The following C7 variants were observed in gnomAD, a reference collection of about 807,000 sequenced individuals.
C7 encodes complement component C7.
C7 carries 83 observed loss-of-function variants against 104.8 expected under a neutral mutation model. The observed-to-expected ratio is 0.79, with a 90% CI of 0.66 to 0.95. The LOEUF (loss-of-function observed/expected upper bound fraction) is 0.95. C7 is among the 40% of genes least tolerant of loss of function. The probability of loss-of-function intolerance (pLI) is 0.00; values close to 1 mark genes in which losing one functional copy is unlikely to be tolerated. For synonymous variants in C7, 415 were observed against 360.6 expected, an observed-to-expected ratio of 1.15 and a Z score of -1.71; for missense variants, 1,070 against 1,011.2, an observed-to-expected ratio of 1.06 and a Z score of -0.79.
rs1197423558 is a variant in C7, at chr5:40,928,608, T to A, written c.35T>A (p.Phe12Tyr). ...KVISLFILVG[F>Y]IGEFQSFSSA... ...ATAAGCTTATTCATTTTGGTGGGAT[T>A]TATAGGAGAGTTCCAAAGTTTTTCA... The change falls in exon 2 of 18, where the codon TTT (phenylalanine) becomes TAT (tyrosine). Residue 12 changes from phenylalanine to tyrosine, a missense_variant. Coordinates refer to ENST00000313164, the MANE Select transcript of C7 (RefSeq NM_000587.4). 1.3e-6 allele frequency: 2 copies of A among 1,553,280 alleles called. No individual in the cohort carries two copies.
At chr5:40,926,043 C>A (rs1368690415) in intron 1 of C7, among the ~76,000 whole-genome samples, 1 of 152,106 alleles carries the variant, frequency 6.6e-6, no homozygotes, top group Non-Finnish European at 1.5e-5. Flanking sequence ...ACTGAACAAC[C>A]CATTAAAAGT....
At chr5:40,913,290 A>T (rs1379283298) in intron 1 of C7, among the ~76,000 whole-genome samples, 1 of 152,140 alleles carries the variant, frequency 6.6e-6, no homozygotes, top group Admixed American at 6.6e-5. Context: ...TTCTGATATA[A>T]TGATTTCTTT....
chr5:40,964,845 G>C lies in C7; in HGVS notation c.1854G>C (p.Arg618=), dbSNP rs781184517. The C allele has an allele frequency of 4.3e-6, 7 of 1,613,632 alleles. No individual in the cohort carries two copies. In the South Asian group the frequency reaches 7.7e-5, roughly 18 times the overall value. Residue 618 remains arginine, a synonymous_variant, in exon 14 of 18, where the codon CGG becomes CGC. Coordinates refer to ENST00000313164, the MANE Select transcript of C7 (RefSeq NM_000587.4). ...NPVARCGEDL[R]WLVGEMHCQK... ...TGGCCAGATGTGGAGAAGATTTACG[G>C]TGGCTTGTTGGGGAAATGCATTGTC...
Position 40,981,755 on chromosome 5 carries a change from T to C in C7, c.*182T>C, listed in dbSNP as rs896828193. 15 of 518,720 alleles carry C rather than the reference T, an allele frequency of 2.9e-5. No individual in the cohort carries two copies. The East Asian group carries it at 3.9e-4, about 13-fold the overall frequency. 32.1% of individuals were successfully genotyped at this position (518,720 alleles called of 1,614,324 possible). On this transcript the variant is annotated 3_prime_UTR_variant, in exon 18 of 18. Coordinates refer to ENST00000313164, the MANE Select transcript of C7 (RefSeq NM_000587.4). Reference sequence around the variant, plus strand: ...TTCTCCCAAATCTGAATCGAATTACTCTTTTGCCTCCTTTTTAATGTCAGT... The same window carrying C: ...TTCTCCCAAATCTGAATCGAATTACCCTTTTGCCTCCTTTTTAATGTCAGT...
In C7 at chr5:40,945,266, G is replaced by C; in HGVS notation, c.636G>C (p.Ser212=). 2 of 1,587,660 alleles carry C rather than the reference G, an allele frequency of 1.3e-6. No homozygotes were observed. Among genetic ancestry groups the C allele is most frequent in the Non-Finnish European group, 1.7e-6 (2 of 1,163,440 alleles). ...NSTWSYVKHT[S]TEHTSSSRKR... ...CTTGGTCTTATGTAAAACATACGTC[G>C]ACAGAACACACATCATCTAGTCGGA... Residue 212 remains serine (S), a synonymous_variant, in exon 7 of 18, where the codon TCG becomes TCC. Transcript: ENST00000313164.
chr5:40,921,376 T>C (rs1739434936), intron 1 of C7, among the ~76,000 whole-genome samples: 1 of 151,998 alleles, frequency 6.6e-6, no homozygotes, highest in Admixed American at 6.6e-5. Flanking sequence ...AAAATATCTA[T>C]ACTCCCCAAA....
At chr5:40,957,959 G>A (rs1222416978) in intron 10 of C7, 74 bp from the exon 11 acceptor site, 39 of 980,962 alleles carry the variant, frequency 4.0e-5, no homozygotes, top group South Asian at 4.4e-5. Flanking sequence ...AATGAGAGTC[G>A]TGCCTAAACA....
intron 9 of C7, 91 bp from the exon 10 acceptor site, chr5:40,955,296 A>T: frequency 8.5e-7 from 1 of 1,183,306 alleles, no homozygotes; most frequent in South Asian, 1.4e-5. Flanking sequence ...CTGTTTCCAT[A>T]GTTTGGCTTT....
chr5:40,979,848 T>C lies in C7; in HGVS notation c.2289T>C (p.Cys763=), dbSNP rs1403630118. Residue 763 remains cysteine (C), a synonymous_variant, in exon 17 of 18, where the codon TGT becomes TGC. Transcript: ENST00000313164. ...ACACCCTTACTGGTAGGGACAGCTGTACTCTGCCTGCCTCAGCTGAGAAAG... is the reference window on the plus strand; with the variant it reads ...ACACCCTTACTGGTAGGGACAGCTGCACTCTGCCTGCCTCAGCTGAGAAAG... ...RNYTLTGRDS[C]TLPASAEKAC... 1.2e-6 allele frequency: 2 copies of C among 1,611,468 alleles called. No homozygotes were observed. The highest frequency in any genetic ancestry group is 1.7e-6 in the Non-Finnish European group (2 of 1,178,504).
intron 1 of C7, among the ~76,000 whole-genome samples, chr5:40,924,543 G>GT (rs894501185): frequency 7.9e-5 from 12 of 151,844 alleles, no homozygotes; most frequent in Admixed American, 6.5e-4. Context: ...GGGACTGTGT[G>GT]GGGGGGTTCC....
At chr5:40,956,418 A>AGT (rs891881808) in intron 10 of C7, among the ~76,000 whole-genome samples, 8 of 151,868 alleles carry the variant, frequency 5.3e-5, no homozygotes, top group East Asian at 1.9e-4. Context: ...GGGGTGTGTG[A>AGT]GTGTGTGTGT....
chr5:40,935,875 G>T lies in C7; in HGVS notation c.281-463G>T, dbSNP rs115481644. Among the ~76,000 whole-genome samples, 1,465 of 152,256 alleles carry T rather than the reference G, an allele frequency of 9.6e-3. 25 individuals are homozygous for T. Among genetic ancestry groups the T allele is most frequent in the African/African-American group, 0.034 (1,413 of 41,534 alleles). The stretch of plus-strand genomic sequence containing the variant: ...CATTTTTATTCATATTCGTATCCTA[G>T]CCCCTATTGTGCTACGGAAATGTTG... On this transcript the variant is annotated intron_variant, in intron 4 of 17. Coordinates refer to ENST00000313164, the MANE Select transcript of C7 (RefSeq NM_000587.4).
At chr5:40,964,998 TC>T in intron 14 of C7, 125 bp downstream of exon 14, 2 of 1,122,254 alleles carry the variant, frequency 1.8e-6, no homozygotes. Flanking sequence ...GCTGACATGA[TC>T]CTGTTCAAGT....
At chr5:40,930,358 A>G (rs575234909) in intron 2 of C7, among the ~76,000 whole-genome samples, 1 of 151,782 alleles carries the variant, frequency 6.6e-6, no homozygotes, top group South Asian at 2.1e-4. Context: ...GGCATGCACC[A>G]CCACGCCTGG....
At chr5:40,910,392 T>A (rs2675981) in intron 1 of C7, among the ~76,000 whole-genome samples, 1 of 151,940 alleles carries the variant, frequency 6.6e-6, no homozygotes, top group Non-Finnish European at 1.5e-5. Context: ...ATTTCACAGA[T>A]CTGTCAGTGG....
intron 4 of C7, among the ~76,000 whole-genome samples, chr5:40,934,676 T>G (rs919172837): frequency 6.6e-6 from 1 of 152,208 alleles, no homozygotes; most frequent in African/African-American, 2.4e-5. Flanking sequence ...GTAATAAACA[T>G]AGGAATGCTC....
chr5:40,928,576 C>A lies in C7; in HGVS notation c.7-4C>A. The A allele has an allele frequency of 6.7e-7, 1 of 1,497,132 alleles. No homozygotes were observed. The highest frequency in any genetic ancestry group is 1.3e-5 in the South Asian group (1 of 78,078). The allele number at this position is 1,497,132 out of a possible 1,614,324, so 92.7% of individuals were successfully genotyped here. A position where few individuals can be genotyped will look rare whatever the true frequency, so the allele number is the denominator to read the frequency against. On this transcript the variant is annotated splice_region_variant and splice_polypyrimidine_tract_variant and intron_variant, in intron 1 of 17. Transcript: ENST00000313164. ...AATAATACTTTATTGTTTTTCTTCT[C>A]CAGGTGATAAGCTTATTCATTTTGG...
intron 10 of C7, among the ~76,000 whole-genome samples, chr5:40,957,439 G>C (rs1740310407): frequency 6.6e-6 from 1 of 152,028 alleles, no homozygotes; most frequent in Non-Finnish European, 1.5e-5. Context: ...ACTAGAAAAT[G>C]AATGTCCTAT....
chr5:40,938,236 C>CAA (rs1360986401), intron 6 of C7, among the ~76,000 whole-genome samples: 2 of 152,094 alleles, frequency 1.3e-5, no homozygotes, highest in Non-Finnish European at 2.9e-5. Flanking sequence ...CAGGCAACTA[C>CAA]TATTTTATAT....
Sources: gnomAD v4.1 joint callset for allele counts (sites outside exome capture counted in the v4.1 genomes callset) on GRCh38, gnomAD v4.1.1 for gene constraint, MANE v1.5 for transcripts, NCBI Gene and HGNC (gene_info 2026-07-23, HGNC 2026-07-21) for gene names.